WAPL: variants seen among roughly 807,000 people sequenced by gnomAD.
WAPL encodes wings apart-like protein homolog.
WAPL carries 5 observed loss-of-function variants against 121.0 expected under a neutral mutation model. That is an observed-to-expected ratio of 0.04 (90% CI 0.02 to 0.09). The LOEUF is 0.09. Ranked by LOEUF, WAPL falls within the 10% of genes least tolerant of loss-of-function variation. The pLI is 1.00. For synonymous variants in WAPL, 480 were observed against 481.5 expected, an observed-to-expected ratio of 1.00 and a Z score of 0.04; for missense variants, 999 against 1,410.8, an observed-to-expected ratio of 0.71 and a Z score of 4.68.
At chr10:86,464,074 T>C (rs760462063) in intron 9 of WAPL, among the ~76,000 whole-genome samples, 1 of 152,236 alleles carries the variant, frequency 6.6e-6, no homozygotes. Context: ...TTTTAAATTA[T>C]CTTTTCATGG....
At chr10:86,491,373 T>C (rs1232948890) in intron 4 of WAPL, among the ~76,000 whole-genome samples, 4 of 151,936 alleles carry the variant, frequency 2.6e-5, no homozygotes, top group Admixed American at 1.3e-4. Context: ...TCTCCTGACC[T>C]CGTGATCCAC....
chr10:86,484,916 T>C (rs1841895690), intron 4 of WAPL, among the ~76,000 whole-genome samples: 1 of 152,200 alleles, frequency 6.6e-6, no homozygotes, highest in African/African-American at 2.4e-5. Context: ...TCTCAGAATG[T>C]AACCCTGTCA....
intron 8 of WAPL, among the ~76,000 whole-genome samples, chr10:86,469,816 G>A (rs1841495154): frequency 1.3e-5 from 2 of 152,180 alleles, no homozygotes; most frequent in South Asian, 2.1e-4. Context: ...AAGGCCATGG[G>A]GGATCCACTG....
intron 4 of WAPL, among the ~76,000 whole-genome samples, chr10:86,474,792 T>C (rs1325490227): frequency 6.6e-6 from 1 of 152,200 alleles, no homozygotes; most frequent in Non-Finnish European, 1.5e-5. Context: ...GGCAAAACTT[T>C]ATTCTTCCTA....
chr10:86,476,688 A>T (rs200007392), intron 4 of WAPL, among the ~76,000 whole-genome samples: 3 of 56,502 alleles, frequency 5.3e-5, no homozygotes, highest in South Asian at 1.9e-3. Flanking sequence ...GACTGTCTTT[A>T]AAAAAAAAAA....
At position 86,511,626 on chromosome 10, in the gene WAPL, A is replaced by C. The variant is rs574081710; in HGVS notation, c.499+5945T>G. 2.6e-5 allele frequency among the ~76,000 whole-genome samples: 4 copies of C among 152,312 alleles called. No individual in the cohort carries two copies. The South Asian group carries it at 8.3e-4, about 32-fold the overall frequency. Reference sequence around the variant, plus strand: ...TGTGATTAAGGATCAATTGATATGTAAAAGTAGGAATTTAAGAAATAACAG... The same window carrying C: ...TGTGATTAAGGATCAATTGATATGTCAAAGTAGGAATTTAAGAAATAACAG... On this transcript the variant is annotated intron_variant, in intron 2 of 18. Coordinates refer to ENST00000298767, the MANE Select transcript of WAPL (RefSeq NM_015045.5).
chr10:86,443,662 A>G (rs1380084698), intron 16 of WAPL: 3 of 316,106 alleles, frequency 9.5e-6, no homozygotes, highest in Non-Finnish European at 5.9e-6. Context: ...GAACTTGATA[A>G]GGGTCAAGTA....
intron 2 of WAPL, among the ~76,000 whole-genome samples, chr10:86,509,196 C>T (rs1487772026): frequency 6.6e-6 from 1 of 152,158 alleles, no homozygotes; most frequent in African/African-American, 2.4e-5. Context: ...AGCTCCATTC[C>T]AGCAAATCTG....
chr10:86,500,398 T>A lies in WAPL; in HGVS notation c.845A>T (p.Asp282Val). 1 of 1,614,236 alleles carries A rather than the reference T, an allele frequency of 6.2e-7. No homozygotes were observed. The highest frequency in any genetic ancestry group is 8.5e-7 in the Non-Finnish European group (1 of 1,180,050). Residue 282 changes from aspartate to valine, a missense_variant, in exon 3 of 19, where the codon GAT (aspartate) becomes GTT (valine). Around this residue, in one of 7 missense-constraint regions of WAPL, gnomAD observed 531 missense variants for 563.1 expected, o/e 0.94. Coordinates refer to ENST00000298767, the MANE Select transcript of WAPL (RefSeq NM_015045.5). The part of the protein sequence containing the change: ...LENLNEAIEE[D>V]IVQSVLRPTN... ...TGGCCTAAGAACACTTTGTACAATA[T>A]CTTCCTCAATGGCTTCATTCAGATT...
In WAPL at chr10:86,515,839, G is replaced by A. The variant is rs191017047; in HGVS notation, c.499+1732C>T. Among the ~76,000 whole-genome samples, 219 of 145,782 alleles carry A rather than the reference G, an allele frequency of 1.5e-3. 1 individual carries two copies. Among genetic ancestry groups the A allele is most frequent in the African/African-American group, 5.2e-3 (209 of 39,972 alleles). ...TTATACATTTTTAGGAGCTGACCTGGAAACAGTTTTTATGCTGTCTATGCC... is the reference window on the plus strand; with the variant it reads ...TTATACATTTTTAGGAGCTGACCTGAAAACAGTTTTTATGCTGTCTATGCC... On this transcript the variant is annotated intron_variant, in intron 2 of 18. Coordinates refer to ENST00000298767, the MANE Select transcript of WAPL (RefSeq NM_015045.5).
chr10:86,458,845 T>C lies in WAPL; in HGVS notation c.2657+144A>G, dbSNP rs909115444. On this transcript the variant is annotated intron_variant, in intron 12 of 18. Transcript: ENST00000298767. ...TCCAAAATCTGTACTCTTAAAACTT[T>C]TGTTACACAATGTGAACCAATTCAC... The C allele has an allele frequency of 2.5e-5, 14 of 554,098 alleles. No individual in the cohort carries two copies. The Admixed American group carries it at 3.4e-4, about 14-fold the overall frequency. 34.3% of individuals were successfully genotyped at this position (554,098 alleles called of 1,614,324 possible). A position where few individuals can be genotyped will look rare whatever the true frequency, so the allele number is the denominator to read the frequency against.
chr10:86,495,356 A>G (rs963939258), intron 4 of WAPL, among the ~76,000 whole-genome samples: 1 of 152,046 alleles, frequency 6.6e-6, no homozygotes, highest in Middle Eastern at 3.2e-3. Context: ...AGTCCCAGCT[A>G]TTTAGGAGTC....
rs867627284 is a variant in WAPL, at chr10:86,472,276, G to A, written c.1962C>T (p.Phe654=). Residue 654 remains phenylalanine (F), a synonymous_variant, in exon 7 of 19, where the codon TTC becomes TTT. Coordinates refer to ENST00000298767, the MANE Select transcript of WAPL (RefSeq NM_015045.5). This position sits in a 1 kb window ranked among gnomAD's most constrained non-coding sequence, Gnocchi z 4.2. ...DVVEFGENQE[F]TDDIEYLLSG... is the part of the protein sequence containing the mutation. ...TTAACAAGTACTCAATGTCATCAGT[G>A]AACTCTTGATTTTCACCAAATTCTA... 8.1e-6 allele frequency: 13 copies of A among 1,608,902 alleles called. No individual in the cohort carries two copies. Among genetic ancestry groups the A allele is most frequent in the Non-Finnish European group, 9.3e-6 (11 of 1,178,974 alleles).
intron 8 of WAPL, 140 bp from the exon 9 acceptor site, chr10:86,467,646 A>C: frequency 1.5e-6 from 1 of 659,104 alleles, no homozygotes; most frequent in Non-Finnish European, 2.3e-6. Flanking sequence ...GAAACTTCAA[A>C]AACGTTTTAT....
chr10:86,508,421 G>A (rs1186842268), intron 2 of WAPL, among the ~76,000 whole-genome samples: 5 of 151,942 alleles, frequency 3.3e-5, no homozygotes, highest in African/African-American at 9.7e-5. Context: ...TGGATCCCAC[G>A]CATTAAACCA....
chr10:86,440,493 G>A (rs543521376), intron 17 of WAPL, among the ~76,000 whole-genome samples: 107 of 151,658 alleles, frequency 7.1e-4, no homozygotes, highest in Admixed American at 1.6e-3. Context: ...GGGTTTCACC[G>A]TTTCACCGTG....
In WAPL at chr10:86,435,375, G is replaced by T. The variant is rs1324224746; in HGVS notation, c.*2168C>A. Reference sequence around the variant, plus strand: ...GTTGGCTTTTGCTCCAAAGATCACAGCTGAGAAATACTGTATAAAATAAAA... The same window carrying T: ...GTTGGCTTTTGCTCCAAAGATCACATCTGAGAAATACTGTATAAAATAAAA... On this transcript the variant is annotated 3_prime_UTR_variant, in exon 19 of 19. Transcript: ENST00000298767. The T allele has an allele frequency of 6.6e-6, 1 of 152,604 alleles. No homozygotes were observed. The highest frequency in any genetic ancestry group is 1.5e-5 in the Non-Finnish European group (1 of 68,036). 9.5% of individuals were successfully genotyped at this position (152,604 alleles called of 1,614,324 possible).
rs1320197939 is a variant in WAPL, at chr10:86,521,487, G to A, written c.-145C>T. On this transcript the variant is annotated 5_prime_UTR_variant, in exon 1 of 19. Coordinates refer to ENST00000298767, the MANE Select transcript of WAPL (RefSeq NM_015045.5). The stretch of plus-strand genomic sequence containing the variant: ...GGGCCGGCAGGTGAGAGCCGAGAGA[G>A]GCGAGGGACTCTGCTTTCGGTAAAT... 1.2e-5 allele frequency: 4 copies of A among 342,916 alleles called. No homozygotes were observed. The highest frequency in any genetic ancestry group is 4.5e-4 in the Middle Eastern group (1 of 2,236). 21.2% of individuals were successfully genotyped at this position (342,916 alleles called of 1,614,324 possible). A position where few individuals can be genotyped will look rare whatever the true frequency, so the allele number is the denominator to read the frequency against.
At chr10:86,505,973 T>C (rs924560876) in intron 2 of WAPL, among the ~76,000 whole-genome samples, 6 of 152,108 alleles carry the variant, frequency 3.9e-5, no homozygotes, top group Non-Finnish European at 5.9e-5. Context: ...AAAATAATTA[T>C]GGGCCAGAAG....
Sources: gnomAD v4.1 joint callset for allele counts (sites outside exome capture counted in the v4.1 genomes callset) on GRCh38, gnomAD v4.1.1 for gene constraint, gnomAD v4.1.1 regional missense constraint, Gnocchi (gnomAD v3.1) non-coding constraint, MANE v1.5 for transcripts, NCBI Gene and HGNC (gene_info 2026-07-23, HGNC 2026-07-21) for gene names.